The following ARIH1 variants were observed in gnomAD, a reference collection of about 807,000 sequenced individuals.
ARIH1 encodes E3 ubiquitin-protein ligase ARIH1.
Under a neutral mutation model 85.0 loss-of-function variants are expected in ARIH1, and 8 were observed. The observed-to-expected ratio is 0.09, with a 90% CI of 0.06 to 0.17. ARIH1 has a LOEUF of 0.17. Among genes scored for constraint, ARIH1 ranks in the 10% least tolerant of loss-of-function variants. The pLI, the probability that ARIH1 is intolerant of heterozygous loss-of-function variation, is 1.00. For synonymous variants in ARIH1, 238 were observed against 253.6 expected, an observed-to-expected ratio of 0.94 and a Z score of 0.59; for missense variants, 311 against 718.1, an observed-to-expected ratio of 0.43 and a Z score of 6.48.
intron 1 of ARIH1, among the ~76,000 whole-genome samples, chr15:72,500,174 A>G (rs764373960): frequency 9.9e-5 from 15 of 151,456 alleles, no homozygotes; most frequent in South Asian, 2.1e-4. Context: ...TCTCACTGCA[A>G]CCTCCACCTC....
intron 11 of ARIH1, among the ~76,000 whole-genome samples, chr15:72,574,800 A>G (rs1306454551): frequency 6.6e-6 from 1 of 152,022 alleles, no homozygotes. Context: ...GCTGGGCATG[A>G]TGGCTCAAAC....
intron 2 of ARIH1, among the ~76,000 whole-genome samples, chr15:72,526,699 C>CA (rs1206137052): frequency 2.0e-5 from 3 of 152,082 alleles, no homozygotes; most frequent in Non-Finnish European, 4.4e-5. Context: ...ACCTGGGCGA[C>CA]AGAGGAAGAC....
intron 2 of ARIH1, among the ~76,000 whole-genome samples, chr15:72,523,803 AT>A (rs1458184909): frequency 6.6e-6 from 1 of 151,610 alleles, no homozygotes; most frequent in African/African-American, 2.4e-5. Flanking sequence ...GCTCTAAAAA[AT>A]AATAAGTTTT....
At chr15:72,561,656 T>C in intron 6 of ARIH1, 107 bp downstream of exon 6, 1 of 709,586 alleles carries the variant, frequency 1.4e-6, no homozygotes, top group Non-Finnish European at 2.2e-6. Flanking sequence ...TTAACATATT[T>C]ATGAAGCATG....
intron 2 of ARIH1, among the ~76,000 whole-genome samples, chr15:72,534,416 G>C (rs1372375902): frequency 6.6e-6 from 1 of 152,088 alleles, no homozygotes; most frequent in Non-Finnish European, 1.5e-5. Context: ...CAGTTTGTAA[G>C]CTGCATGTTT....
chr15:72,487,334 T>G (rs1342710183), intron 1 of ARIH1, among the ~76,000 whole-genome samples: 1 of 152,210 alleles, frequency 6.6e-6, no homozygotes, highest in African/African-American at 2.4e-5. Context: ...AACTCAGATA[T>G]TAACTGGCTC....
intron 11 of ARIH1, among the ~76,000 whole-genome samples, chr15:72,579,877 T>C (rs767201134): frequency 1.3e-5 from 2 of 152,226 alleles, no homozygotes; most frequent in Non-Finnish European, 2.9e-5. Context: ...TTTTGAAATA[T>C]GTAAACAATG....
intron 11 of ARIH1, among the ~76,000 whole-genome samples, chr15:72,579,613 C>T (rs150064575): frequency 3.9e-5 from 6 of 152,152 alleles, no homozygotes; most frequent in South Asian, 2.1e-4. Context: ...GACTATTGAG[C>T]GATGAGGAAC....
chr15:72,587,354 T>C lies in ARIH1; in HGVS notation c.*4062T>C, dbSNP rs1218426587. On this transcript the variant is annotated 3_prime_UTR_variant, in exon 14 of 14. Transcript: ENST00000379887. Reference sequence around the variant, plus strand: ...CATTAAAGACTATTATAAATGCCTATCACTGCTACTGTTAGAGGTTGCTCT... The same window carrying C: ...CATTAAAGACTATTATAAATGCCTACCACTGCTACTGTTAGAGGTTGCTCT... 1 of 466,596 alleles carries C rather than the reference T, an allele frequency of 2.1e-6. No individual in the cohort carries two copies. The highest frequency in any genetic ancestry group is 4.4e-6 in the Non-Finnish European group (1 of 224,870). The allele number at this position is 466,596 out of a possible 1,614,324, so 28.9% of individuals were successfully genotyped here.
At chr15:72,519,475 G>GTTTTTTTTTTTTTTTT (rs150165121) in intron 2 of ARIH1, among the ~76,000 whole-genome samples, 1 of 62,544 alleles carries the variant, frequency 1.6e-5, no homozygotes, top group African/African-American at 6.5e-5. Context: ...TGTTTTTTTT[G>GTTTTTTTTTTTTTTTT]TTTTTTTTTT....
rs1287539029 is a variant in ARIH1, at chr15:72,518,057, CCTT to C, written c.376-6_376-4del. On this transcript the variant is annotated splice_polypyrimidine_tract_variant and splice_region_variant and intron_variant, in intron 1 of 13. Coordinates refer to ENST00000379887, the MANE Select transcript of ARIH1 (RefSeq NM_005744.5). ...ACCTTAAAATGACTTTTTTTCCCCT[CCTT>C]CTTTAGAATCCAGCAACTATCACAA... 4 of 1,601,710 alleles carry C rather than the reference CCTT, an allele frequency of 2.5e-6. No individual in the cohort carries two copies. The highest frequency in any genetic ancestry group is 3.4e-6 in the Non-Finnish European group (4 of 1,171,776).
intron 1 of ARIH1, among the ~76,000 whole-genome samples, chr15:72,510,349 A>G (rs148824439): frequency 1.3e-4 from 20 of 152,224 alleles, no homozygotes; most frequent in Admixed American, 1.3e-4. Context: ...TGTACGAACT[A>G]TTTGTGTAAC....
chr15:72,567,565 AT>A (rs1015485450), intron 9 of ARIH1, among the ~76,000 whole-genome samples: 7 of 152,138 alleles, frequency 4.6e-5, no homozygotes, highest in African/African-American at 1.7e-4. Context: ...TTTGTTTCTA[AT>A]TTTTTGTTTT....
Position 72,597,538 on chromosome 15 carries a change from T to C in ARIH1, c.*14246T>C, listed in dbSNP as rs2064367803. The C allele has an allele frequency of 2.0e-5, 3 of 152,164 alleles. No individual in the cohort carries two copies. The highest frequency in any genetic ancestry group is 4.1e-4 in the South Asian group (2 of 4,826). The allele number at this position is 152,164 out of a possible 1,614,324, so 9.4% of individuals were successfully genotyped here. On this transcript the variant is annotated 3_prime_UTR_variant, in exon 14 of 14. Transcript: ENST00000379887. ...CCACAATGCCTAGGGGATGGGTTTCTCAGCATTTCTGACCCCATTTAGGCT... is the reference window on the plus strand; with the variant it reads ...CCACAATGCCTAGGGGATGGGTTTCCCAGCATTTCTGACCCCATTTAGGCT...
chr15:72,545,461 G>C (rs2064124903), intron 3 of ARIH1, among the ~76,000 whole-genome samples: 1 of 152,216 alleles, frequency 6.6e-6, no homozygotes, highest in Non-Finnish European at 1.5e-5. Flanking sequence ...AGTTGGAGCA[G>C]AACCAGTGAT....
chr15:72,524,978 A>G (rs912193516), intron 2 of ARIH1, among the ~76,000 whole-genome samples: 1 of 152,126 alleles, frequency 6.6e-6, no homozygotes, highest in Non-Finnish European at 1.5e-5. Flanking sequence ...TCCGCCTCCC[A>G]GGTTCAAATG....
chr15:72,578,464 T>C (rs1321749241), intron 11 of ARIH1, among the ~76,000 whole-genome samples: 1 of 152,200 alleles, frequency 6.6e-6, no homozygotes, highest in Non-Finnish European at 1.5e-5. Flanking sequence ...ATACGGTCTG[T>C]AAGAGTTTGT....
At chr15:72,578,699 C>G (rs1339856309) in intron 11 of ARIH1, among the ~76,000 whole-genome samples, 1 of 152,020 alleles carries the variant, frequency 6.6e-6, no homozygotes, top group African/African-American at 2.4e-5. Flanking sequence ...ACAGTTTAAT[C>G]CTGTGTTGTT....
chr15:72,484,104 CAG>C (rs2063827224), intron 1 of ARIH1, among the ~76,000 whole-genome samples: 2 of 145,574 alleles, frequency 1.4e-5, no homozygotes, highest in African/African-American at 2.6e-5. Context: ...ACCCAGGAGA[CAG>C]AGGTTGCAGT....
Sources: gnomAD v4.1 joint callset for allele counts (sites outside exome capture counted in the v4.1 genomes callset) on GRCh38, gnomAD v4.1.1 for gene constraint, MANE v1.5 for transcripts, NCBI Gene and HGNC (gene_info 2026-07-23, HGNC 2026-07-21) for gene names.